TMEM244: variants seen among roughly 807,000 people sequenced by gnomAD.
TMEM244 encodes transmembrane protein 244.
Under a neutral mutation model 15.8 loss-of-function variants are expected in TMEM244, and 13 were observed. The ratio of observed to expected loss-of-function variants is 0.82; its 90% CI spans 0.53 to 1.30. The LOEUF (loss-of-function observed/expected upper bound fraction) is 1.30. Ranked by LOEUF, TMEM244 falls within the 50% of genes most tolerant of loss-of-function variation. TMEM244 has a pLI of 0.00. For synonymous variants in TMEM244, 45 were observed against 48.7 expected, an observed-to-expected ratio of 0.92 and a Z score of 0.32; for missense variants, 161 against 144.9, an observed-to-expected ratio of 1.11 and a Z score of -0.57.
chr6:129,836,496 A>G (rs1435715066), intron 3 of TMEM244, among the ~76,000 whole-genome samples: 1 of 152,160 alleles, frequency 6.6e-6, no homozygotes, highest in Non-Finnish European at 1.5e-5. Context: ...AATTTTAAAA[A>G]ACAGAGCACC....
chr6:129,843,633 C>T (rs759079594), intron 2 of TMEM244, 30 bp from the exon 3 acceptor site: 77 of 1,532,234 alleles, frequency 5.0e-5, no homozygotes, highest in Non-Finnish European at 6.8e-5. Context: ...AAACAGTTTA[C>T]TCTGAATGAG....
chr6:129,861,299 G>A lies in TMEM244; in HGVS notation c.-111C>T. 7.9e-7 allele frequency: 1 copy of A among 1,270,170 alleles called. No individual in the cohort carries two copies. The highest frequency in any genetic ancestry group is 1.1e-6 in the Non-Finnish European group (1 of 880,814). The allele number at this position is 1,270,170 out of a possible 1,614,324, so 78.7% of individuals were successfully genotyped here. On this transcript the variant is annotated 5_prime_UTR_variant, in exon 1 of 5. Coordinates refer to ENST00000368143, the MANE Select transcript of TMEM244 (RefSeq NM_001010876.2). ...CTTTTCAATTACTCCTGGAGACTAAGTGTGAGACGCAGTAGTGCAGGATGA... is the reference window on the plus strand; with the variant it reads ...CTTTTCAATTACTCCTGGAGACTAAATGTGAGACGCAGTAGTGCAGGATGA...
chr6:129,831,272 A>G lies in TMEM244; in HGVS notation c.*47T>C, dbSNP rs775834226. The G allele has an allele frequency of 4.7e-6, 5 of 1,056,054 alleles. No homozygotes were observed. The East Asian group carries it at 9.5e-5, about 20-fold the overall frequency. The allele number at this position is 1,056,054 out of a possible 1,614,324, so 65.4% of individuals were successfully genotyped here. On this transcript the variant is annotated 3_prime_UTR_variant, in exon 5 of 5. Coordinates refer to ENST00000368143, the MANE Select transcript of TMEM244 (RefSeq NM_001010876.2). ...TAAAATCTATGAGAAAATAAAATAT[A>G]TTTCCACAGTTATTCTATTTAACAT...
chr6:129,833,211 G>C (rs1776355221), intron 4 of TMEM244, among the ~76,000 whole-genome samples: 1 of 152,044 alleles, frequency 6.6e-6, no homozygotes, highest in South Asian at 2.1e-4. Flanking sequence ...TTATATTTTT[G>C]TAACTTTTCT....
chr6:129,860,078 A>T (rs141490239), intron 1 of TMEM244, among the ~76,000 whole-genome samples: 1 of 150,414 alleles, frequency 6.6e-6, no homozygotes, highest in Non-Finnish European at 1.5e-5. Context: ...AACTGCAGCA[A>T]CTATCTGGAT....
intron 1 of TMEM244, among the ~76,000 whole-genome samples, chr6:129,855,945 C>A (rs941824823): frequency 2.6e-5 from 4 of 152,078 alleles, no homozygotes; most frequent in Non-Finnish European, 4.4e-5. Context: ...TCATCTGAAT[C>A]AATTATTTAC....
At chr6:129,857,437 C>T (rs1328159176) in intron 1 of TMEM244, among the ~76,000 whole-genome samples, 1 of 151,916 alleles carries the variant, frequency 6.6e-6, no homozygotes, top group Non-Finnish European at 1.5e-5. Flanking sequence ...CTCACCACAA[C>T]CTCCGTCTCC....
At chr6:129,856,848 T>G (rs1307826827) in intron 1 of TMEM244, among the ~76,000 whole-genome samples, 1 of 152,062 alleles carries the variant, frequency 6.6e-6, no homozygotes, top group African/African-American at 2.4e-5. Flanking sequence ...AGCTTTATTA[T>G]GTTTATGAGT....
At chr6:129,833,615 G>T (rs752153616) in intron 3 of TMEM244, 30 bp from the exon 4 acceptor site, 1 of 1,603,232 alleles carries the variant, frequency 6.2e-7, no homozygotes, top group Non-Finnish European at 8.5e-7. Context: ...TATAATTATT[G>T]AGGACTAGAG....
At chr6:129,860,977 C>T (rs1466161535) in intron 1 of TMEM244, among the ~76,000 whole-genome samples, 179 bp downstream of exon 1, 3 of 152,122 alleles carry the variant, frequency 2.0e-5, no homozygotes, top group Non-Finnish European at 4.4e-5. Context: ...GCATGGGTGC[C>T]TTTATATTGC....
At chr6:129,834,493 A>AT (rs924654815) in intron 3 of TMEM244, among the ~76,000 whole-genome samples, 6 of 151,054 alleles carry the variant, frequency 4.0e-5, no homozygotes, top group African/African-American at 1.5e-4. Context: ...CAAACTCTAT[A>AT]TTTTTCAAAG....
chr6:129,850,131 C>T (rs1018792194), intron 1 of TMEM244, among the ~76,000 whole-genome samples: 1 of 152,116 alleles, frequency 6.6e-6, no homozygotes, highest in East Asian at 1.9e-4. Flanking sequence ...CCGACTCAAC[C>T]CTTATGCTAC....
At chr6:129,847,209 T>C (rs1229269252) in intron 1 of TMEM244, among the ~76,000 whole-genome samples, 1 of 152,186 alleles carries the variant, frequency 6.6e-6, no homozygotes, top group Admixed American at 6.5e-5. Context: ...GTGCCACACT[T>C]CACTGTTAAC....
chr6:129,835,632 G>A (rs1161199546), intron 3 of TMEM244, among the ~76,000 whole-genome samples: 4 of 152,148 alleles, frequency 2.6e-5, no homozygotes, highest in Admixed American at 1.3e-4. Flanking sequence ...AAGGGGTGGG[G>A]CGATTTCCCT....
At chr6:129,857,793 G>GT (rs1469012088) in intron 1 of TMEM244, among the ~76,000 whole-genome samples, 2 of 147,408 alleles carry the variant, frequency 1.4e-5, no homozygotes, top group African/African-American at 2.5e-5. Context: ...TGTATGTGTG[G>GT]TTTTTTATAT....
intron 1 of TMEM244, among the ~76,000 whole-genome samples, chr6:129,852,518 G>T (rs1776648776): frequency 1.3e-5 from 2 of 152,088 alleles, no homozygotes; most frequent in South Asian, 2.1e-4. Flanking sequence ...GTTTCAGGGG[G>T]TTTACAAGTA....
At chr6:129,857,251 C>T (rs1302966030) in intron 1 of TMEM244, among the ~76,000 whole-genome samples, 1 of 151,570 alleles carries the variant, frequency 6.6e-6, no homozygotes, top group South Asian at 2.1e-4. Context: ...TCTCATGACT[C>T]TTTTGTTTAT....
chr6:129,834,670 A>G (rs1354493278), intron 3 of TMEM244, among the ~76,000 whole-genome samples: 1 of 152,192 alleles, frequency 6.6e-6, no homozygotes, highest in Non-Finnish European at 1.5e-5. Context: ...ATTTAACTTA[A>G]CACGTTTCAA....
Position 129,831,393 on chromosome 6 carries a change from TA to T in TMEM244, c.320-8del. The stretch of plus-strand genomic sequence containing the variant: ...AAGGGGAATTCCAACATAACTGCAA[TA>T]GAAAAAAAATGTTTAATTTCAAAAC... On this transcript the variant is annotated splice_polypyrimidine_tract_variant and splice_region_variant and intron_variant, in intron 4 of 4. Transcript: ENST00000368143. 6.4e-7 allele frequency: 1 copy of T among 1,558,718 alleles called. No homozygotes were observed. Among genetic ancestry groups the T allele is most frequent in the Non-Finnish European group, 8.8e-7 (1 of 1,130,174 alleles).
Sources: gnomAD v4.1 joint callset for allele counts (sites outside exome capture counted in the v4.1 genomes callset) on GRCh38, gnomAD v4.1.1 for gene constraint, MANE v1.5 for transcripts, NCBI Gene and HGNC (gene_info 2026-07-23, HGNC 2026-07-21) for gene names.